The following EMC3 variants were observed in gnomAD, a reference collection of about 807,000 sequenced individuals.
EMC3 encodes the protein ER membrane protein complex subunit 3, also known as 30 kDa protein.
Under a neutral mutation model 36.6 loss-of-function variants are expected in EMC3, and 13 were observed. That is an observed-to-expected ratio of 0.35 (90% CI 0.23 to 0.56). The LOEUF is 0.56. Ranked by LOEUF, EMC3 falls within the 20% of genes least tolerant of loss-of-function variation. The probability of loss-of-function intolerance (pLI) is 0.84; values close to 1 mark genes in which losing one functional copy is unlikely to be tolerated. For missense variants in EMC3, 220 were observed against 324.5 expected, an observed-to-expected ratio of 0.68 and a Z score of 2.47; for synonymous variants, 120 against 111.9, an observed-to-expected ratio of 1.07 and a Z score of -0.46.
At chr3:9,982,563 C>T (rs1233482502) in intron 1 of EMC3, among the ~76,000 whole-genome samples, 1 of 151,962 alleles carries the variant, frequency 6.6e-6, no homozygotes, top group African/African-American at 2.4e-5. Context: ...TGCTAATGGA[C>T]ATTTATAGTA....
intron 5 of EMC3, 84 bp downstream of exon 5, chr3:9,973,543 TC>T: frequency 2.3e-6 from 3 of 1,289,282 alleles, no homozygotes; most frequent in Non-Finnish European, 3.4e-6. Flanking sequence ...CAGGCTGGTC[TC>T]AAACTCATGG....
upstream of EMC3, among the ~76,000 whole-genome samples, chr3:9,991,726 A>G (rs2086054930): frequency 6.6e-6 from 1 of 152,190 alleles, no homozygotes; most frequent in Admixed American, 6.5e-5. Flanking sequence ...CATATCAGGA[A>G]TGTCTTTCCT....
upstream of EMC3, among the ~76,000 whole-genome samples, chr3:9,989,751 T>C (rs183891413): frequency 2.9e-4 from 44 of 152,242 alleles, no homozygotes; most frequent in Admixed American, 2.6e-3. Flanking sequence ...TTTTACGTAT[T>C]TGTAATCATT....
In EMC3 at chr3:9,984,080, C is replaced by CT. The variant is rs767592107; in HGVS notation, c.155+2426dup. Among the ~76,000 whole-genome samples the CT allele has an allele frequency of 4.6e-3, 660 of 143,614 alleles. 3 individuals are homozygous for CT. The highest frequency in any genetic ancestry group is 7.1e-3 in the African/African-American group (278 of 39,288). The allele number at this position is 143,614 out of a possible 152,430, so 94.2% of individuals were successfully genotyped here. On this transcript the variant is annotated intron_variant, in intron 1 of 7. Transcript: ENST00000245046. Reference sequence around the variant, plus strand: ...AGCCCTTCTTTCTGTGGTAAATACACTTTTTTTTTTTTTTTTAAATGAGAT... The same window carrying CT: ...AGCCCTTCTTTCTGTGGTAAATACACTTTTTTTTTTTTTTTTTAAATGAGAT...
chr3:10,002,600 A>G (rs2086217063), intron 1 of EMC3: 2 of 359,170 alleles, frequency 5.6e-6, no homozygotes, highest in Non-Finnish European at 1.1e-5. Context: ...CTTTATGCTT[A>G]AATACATAAA....
intron 2 of EMC3, 133 bp from the exon 3 acceptor site, chr3:9,977,183 A>C: frequency 1.1e-6 from 1 of 870,048 alleles, no homozygotes. Context: ...CCTACTTGGC[A>C]GGCGACCTGA....
intron 1 of EMC3, among the ~76,000 whole-genome samples, chr3:10,007,951 C>G (rs2086282019): frequency 6.6e-6 from 1 of 152,188 alleles, no homozygotes; most frequent in South Asian, 2.1e-4. Context: ...AAGCAAGAAG[C>G]AGGCTCAGGA....
At chr3:9,969,464 T>C in intron 7 of EMC3, 1 of 1,371,732 alleles carries the variant, frequency 7.3e-7, no homozygotes, top group Non-Finnish European at 9.4e-7. Flanking sequence ...CCGATTGGAT[T>C]ATTTTACAGC....
At chr3:10,003,153 CT>C in intron 1 of EMC3, 1 of 456,750 alleles carries the variant, frequency 2.2e-6, no homozygotes, top group South Asian at 1.5e-5. Context: ...ACCCTGTGGC[CT>C]TCTCCACCAA....
At chr3:9,981,854 G>A (rs2085914984) in intron 1 of EMC3, 1 of 344,696 alleles carries the variant, frequency 2.9e-6, no homozygotes, top group Admixed American at 4.1e-5. Flanking sequence ...TGTCAAGTCT[G>A]AGAACCATTT....
intron 1 of EMC3, among the ~76,000 whole-genome samples, chr3:9,992,565 T>G (rs1226788309): frequency 2.6e-5 from 4 of 152,208 alleles, no homozygotes; most frequent in Non-Finnish European, 5.9e-5. Flanking sequence ...ATAGTGAAAA[T>G]ACATACTGGA....
intron 1 of EMC3, among the ~76,000 whole-genome samples, chr3:10,005,515 C>T (rs2086253452): frequency 6.6e-6 from 1 of 152,164 alleles, no homozygotes; most frequent in Non-Finnish European, 1.5e-5. Flanking sequence ...TGCCCTTTTA[C>T]TCAGGGAAGC....
chr3:9,998,904 G>A (rs1207317648), intron 1 of EMC3, among the ~76,000 whole-genome samples: 13 of 152,048 alleles, frequency 8.5e-5, no homozygotes, highest in East Asian at 1.9e-4. Context: ...CCACAGGTGC[G>A]CACCATGGTG....
intron 1 of EMC3, chr3:10,004,561 T>C (rs1206997244): frequency 6.6e-6 from 1 of 152,250 alleles, no homozygotes; most frequent in Non-Finnish European, 1.5e-5. Context: ...TGAAGCGGGC[T>C]CATAGCATTC....
At chr3:9,973,812 T>G in intron 4 of EMC3, 103 bp from the exon 5 acceptor site, 6 of 1,051,172 alleles carry the variant, frequency 5.7e-6, no homozygotes, top group Non-Finnish European at 7.3e-6. Context: ...ACATAGCTTT[T>G]GGAAAACGAC....
intron 1 of EMC3, chr3:10,005,048 A>G (rs2086249227): frequency 6.6e-6 from 1 of 152,340 alleles, no homozygotes; most frequent in South Asian, 2.1e-4. Context: ...GGCTCAGCAT[A>G]GGCCAACTGG....
At chr3:9,986,180 G>A (rs2085969705) in intron 1 of EMC3, among the ~76,000 whole-genome samples, 1 of 152,120 alleles carries the variant, frequency 6.6e-6, no homozygotes, top group African/African-American at 2.4e-5. Flanking sequence ...GGAAGGGTGG[G>A]ATGGAATAGT....
chr3:9,986,214 C>A (rs1425443309), intron 1 of EMC3, among the ~76,000 whole-genome samples: 1 of 152,148 alleles, frequency 6.6e-6, no homozygotes, highest in African/African-American at 2.4e-5. Context: ...CACCGAGGGT[C>A]GGCGACTAAC....
chr3:9,974,007 T>C (rs950636223), intron 4 of EMC3, among the ~76,000 whole-genome samples: 8 of 152,150 alleles, frequency 5.3e-5, no homozygotes, highest in African/African-American at 9.7e-5. Flanking sequence ...TATATAAGCA[T>C]AGAATTATGT....
Sources: allele counts gnomAD v4.1 joint callset (sites outside exome capture counted in the v4.1 genomes callset), GRCh38; gene constraint gnomAD v4.1.1; transcripts MANE v1.5; gene names NCBI Gene and HGNC (gene_info 2026-07-23, HGNC 2026-07-21).